Variants in CACNA1A observed in about 807,000 individuals in gnomAD.
CACNA1A encodes calcium voltage-gated channel subunit alpha1 A.
CACNA1A carries 57 observed loss-of-function variants against 262.4 expected under a neutral mutation model. That is an observed-to-expected ratio of 0.22 (90% CI 0.18 to 0.27). The LOEUF (loss-of-function observed/expected upper bound fraction) is 0.27, where lower values mean the gene tolerates loss of function less well. Among genes scored for constraint, CACNA1A ranks in the 10% least tolerant of loss-of-function variants. CACNA1A has a pLI of 1.00. For synonymous variants in CACNA1A, 1,431 were observed against 1,419.3 expected (o/e 1.01, Z -0.18); for missense variants, 2,526 against 3,562.8 (o/e 0.71, Z 7.41).
intron 31 of CACNA1A, among the ~76,000 whole-genome samples, chr19:13,237,385 C>G (rs1204102272): frequency 1.3e-5 from 2 of 152,138 alleles, no homozygotes; most frequent in Non-Finnish European, 2.9e-5. Context: ...CCTTCACCCC[C>G]CAAATGGCAC....
At chr19:13,379,914 T>C (rs12327830) in intron 3 of CACNA1A, among the ~76,000 whole-genome samples, 2,087 of 34,184 alleles carry the variant, frequency 0.061, 86 homozygotes, top group African/African-American at 0.23. Flanking sequence ...CAGAGCAAGA[T>C]GCCGTCTCAA....
chr19:13,335,693 A>C (rs2058553263), intron 7 of CACNA1A, 113 bp downstream of exon 7: 3 of 753,480 alleles, frequency 4.0e-6, no homozygotes, highest in Non-Finnish European at 7.0e-6. Context: ...CAAACAAGGG[A>C]AGAAGCCTTT....
At chr19:13,354,822 AGAG>A (rs1260415850) in intron 6 of CACNA1A, among the ~76,000 whole-genome samples, 4 of 152,022 alleles carry the variant, frequency 2.6e-5, no homozygotes, top group South Asian at 4.2e-4. Flanking sequence ...CCTTCTAAGA[AGAG>A]GAGAACACAC....
At chr19:13,474,372 C>T (rs1412799527) in intron 1 of CACNA1A, among the ~76,000 whole-genome samples, 3 of 152,130 alleles carry the variant, frequency 2.0e-5, no homozygotes, top group African/African-American at 7.2e-5. Flanking sequence ...CGACTATGGC[C>T]GATTCCCATA....
intron 6 of CACNA1A, among the ~76,000 whole-genome samples, chr19:13,343,791 G>A (rs1286529400): frequency 6.6e-6 from 1 of 152,154 alleles, no homozygotes; most frequent in Non-Finnish European, 1.5e-5. Flanking sequence ...AATGAAAATA[G>A]AGACACAACA....
At chr19:13,383,223 G>A (rs1054144241) in intron 3 of CACNA1A, among the ~76,000 whole-genome samples, 3 of 152,140 alleles carry the variant, frequency 2.0e-5, no homozygotes, top group Admixed American at 6.5e-5. Flanking sequence ...TATGTCAGAC[G>A]GTGTGAAGTG....
intron 19 of CACNA1A, among the ~76,000 whole-genome samples, chr19:13,288,244 T>C (rs1375793616): frequency 6.8e-6 from 1 of 147,846 alleles, no homozygotes; most frequent in Non-Finnish European, 1.5e-5. Context: ...TCTTTTTTCT[T>C]TTTTTTTTTA....
chr19:13,270,606 G>A (rs1231323308), intron 24 of CACNA1A, among the ~76,000 whole-genome samples: 1 of 152,222 alleles, frequency 6.6e-6, no homozygotes, highest in Non-Finnish European at 1.5e-5. Context: ...AGGGAAAAAA[G>A]CAGTAGCTCC....
chr19:13,380,139 C>G (rs1013519466), intron 3 of CACNA1A, among the ~76,000 whole-genome samples: 6 of 130,866 alleles, frequency 4.6e-5, no homozygotes, highest in African/African-American at 1.8e-4. Flanking sequence ...CAAAAATTAG[C>G]TGGGCGTGGT....
At chr19:13,465,418 A>G (rs957290665) in intron 1 of CACNA1A, among the ~76,000 whole-genome samples, 3 of 152,342 alleles carry the variant, frequency 2.0e-5, no homozygotes, top group East Asian at 3.9e-4. Flanking sequence ...ATTTCATGTA[A>G]ATGGAATTAA....
At chr19:13,251,691 G>T (rs1195640645) in intron 30 of CACNA1A, among the ~76,000 whole-genome samples, 1 of 152,116 alleles carries the variant, frequency 6.6e-6, no homozygotes, top group Non-Finnish European at 1.5e-5. Flanking sequence ...AATACTAAGG[G>T]TTTGTTATCT....
chr19:13,251,669 G>A, intron 30 of CACNA1A, among the ~76,000 whole-genome samples: 1 of 152,136 alleles, frequency 6.6e-6, no homozygotes. Context: ...AATATTAAGG[G>A]TTGATAATAC....
intron 27 of CACNA1A, chr19:13,259,338 TTTTTG>T (rs991372776): frequency 1.4e-4 from 15 of 111,026 alleles, no homozygotes; most frequent in South Asian, 3.1e-4. Flanking sequence ...TTTTTTTTTT[TTTTTG>T]GGATTTTTAG....
intron 1 of CACNA1A, among the ~76,000 whole-genome samples, chr19:13,464,436 AAACTT>A (rs1427006594): frequency 1.3e-5 from 2 of 152,300 alleles, no homozygotes; most frequent in East Asian, 1.9e-4. Flanking sequence ...TTAAAAAAGA[AAACTT>A]AATATGCTTA....
At chr19:13,259,387 A>T in intron 27 of CACNA1A, 177 bp downstream of exon 27, 1 of 174,220 alleles carries the variant, frequency 5.7e-6, no homozygotes, top group Non-Finnish European at 1.1e-5. Flanking sequence ...GGCCAGGCTG[A>T]TCTCAAACTC....
intron 3 of CACNA1A, among the ~76,000 whole-genome samples, chr19:13,380,741 G>C (rs1401932309): frequency 8.1e-6 from 1 of 123,096 alleles, no homozygotes; most frequent in African/African-American, 4.3e-5. Flanking sequence ...TGGTTTGTTT[G>C]TTTGTTTGTT....
Position 13,469,852 on chromosome 19 carries a change from G to A in CACNA1A, c.294-14640C>T, listed in dbSNP as rs144254730. Among the ~76,000 whole-genome samples, 45 of 151,648 alleles carry A rather than the reference G, an allele frequency of 3.0e-4. 1 individual carries two copies. The highest frequency in any genetic ancestry group is 1.0e-3 in the African/African-American group (42 of 41,308). ...TCGAGCCCTGCAACCCACTGACCCCGCCATTTCTCAGGACCCTCTCCTGCC... is the reference window on the plus strand; with the variant it reads ...TCGAGCCCTGCAACCCACTGACCCCACCATTTCTCAGGACCCTCTCCTGCC... On this transcript the variant is annotated intron_variant, in intron 1 of 46. Coordinates refer to ENST00000360228, the MANE Select transcript of CACNA1A (RefSeq NM_001127222.2).
chr19:13,488,315 G>C (rs1231320748), intron 1 of CACNA1A, among the ~76,000 whole-genome samples: 2 of 151,930 alleles, frequency 1.3e-5, no homozygotes, highest in African/African-American at 4.8e-5. Flanking sequence ...CCCCACTCCA[G>C]GGGAAGCCCT....
At chr19:13,356,952 T>C (rs1490532277) in intron 6 of CACNA1A, among the ~76,000 whole-genome samples, 1 of 152,220 alleles carries the variant, frequency 6.6e-6, no homozygotes, top group Non-Finnish European at 1.5e-5. Context: ...GAGGTTTTCA[T>C]GCAAATTAGA....
Sources: allele counts gnomAD v4.1 joint callset (sites outside exome capture counted in the v4.1 genomes callset), GRCh38; gene constraint gnomAD v4.1.1; transcripts MANE v1.5; gene names NCBI Gene and HGNC (gene_info 2026-07-23, HGNC 2026-07-21).